The following RNF175 variants were observed in gnomAD, a reference collection of about 807,000 sequenced individuals.
The protein encoded by RNF175 is ring finger protein 175.
Under a neutral mutation model 50.0 loss-of-function variants are expected in RNF175, and 38 were observed. That is an observed-to-expected ratio of 0.76 (90% CI 0.59 to 1.00). The LOEUF (loss-of-function observed/expected upper bound fraction) is 1.00, where lower values mean the gene tolerates loss of function less well. Among genes scored for constraint, RNF175 ranks in the 50% least tolerant of loss-of-function variants. The pLI, the probability that RNF175 is intolerant of heterozygous loss-of-function variation, is 0.00. For missense variants in RNF175, 388 were observed against 409.6 expected (o/e 0.95, Z 0.46); for synonymous variants, 155 against 146.1 (o/e 1.06, Z -0.44).
chr4:153,732,753 T>C (rs1422874433), intron 3 of RNF175, among the ~76,000 whole-genome samples: 5 of 152,222 alleles, frequency 3.3e-5, no homozygotes, highest in Admixed American at 2.0e-4. Context: ...GAGGGTGATG[T>C]TGAATGAAAT....
intron 6 of RNF175, among the ~76,000 whole-genome samples, chr4:153,719,369 C>G (rs1411752895): frequency 6.6e-6 from 1 of 152,172 alleles, no homozygotes; most frequent in Non-Finnish European, 1.5e-5. Flanking sequence ...TGGGTTGTTT[C>G]CATGTCTTTG....
chr4:153,731,256 A>G (rs186160907), intron 3 of RNF175, among the ~76,000 whole-genome samples: 2 of 152,354 alleles, frequency 1.3e-5, no homozygotes, highest in South Asian at 2.1e-4. Flanking sequence ...TAACTGCCAT[A>G]TATGAAATGT....
chr4:153,720,216 T>C lies in RNF175; in HGVS notation c.598A>G (p.Ile200Val). ...YGVMGRDFAEICSDYMASTIG... is the reference protein window; with the variant it reads ...YGVMGRDFAEVCSDYMASTIG... ...GTGGAAGCCATGTAGTCTGAGCAGA[T>C]CTCGGCAAAGTCTCTCCCCATTACT... The change falls in exon 6 of 9, where the codon ATC becomes GTC. Residue 200 changes from isoleucine to valine, a missense_variant. By Grantham distance (29) the Ile-to-Val change is conservative (BLOSUM62 3). Transcript: ENST00000347063. 1 of 1,613,818 alleles carries C rather than the reference T, an allele frequency of 6.2e-7. No individual in the cohort carries two copies. The highest frequency in any genetic ancestry group is 1.3e-5 in the African/African-American group (1 of 75,022).
chr4:153,716,719 T>C (rs887406818), intron 6 of RNF175, among the ~76,000 whole-genome samples: 1 of 152,184 alleles, frequency 6.6e-6, no homozygotes, highest in African/African-American at 2.4e-5. Context: ...AGTCAGAAAT[T>C]TGCAGAGCAG....
intron 5 of RNF175, 125 bp from the exon 6 acceptor site, chr4:153,720,429 T>C (rs1337675799): frequency 1.5e-6 from 1 of 652,642 alleles, no homozygotes. Flanking sequence ...TTCATTTATG[T>C]GTTTGATTTT....
chr4:153,733,474 A>G (rs1739159072), intron 3 of RNF175, among the ~76,000 whole-genome samples: 1 of 152,214 alleles, frequency 6.6e-6, no homozygotes, highest in Non-Finnish European at 1.5e-5. Flanking sequence ...TCCTGTGTAC[A>G]TACACAGCAG....
chr4:153,734,707 G>C (rs1167610148), intron 3 of RNF175, among the ~76,000 whole-genome samples: 1 of 107,660 alleles, frequency 9.3e-6, no homozygotes, highest in African/African-American at 3.8e-5. Context: ...ATGTTGTCCC[G>C]CTCTGTCGCC....
chr4:153,742,745 G>A (rs922133786), intron 3 of RNF175, among the ~76,000 whole-genome samples: 2 of 151,558 alleles, frequency 1.3e-5, no homozygotes, highest in African/African-American at 2.4e-5. Context: ...GGTACCTGAG[G>A]TAATGTACAG....
At position 153,742,272 on chromosome 4, in the gene RNF175, C is replaced by CAAAA. The variant is rs34991607; in HGVS notation, c.246+6369_246+6372dup. ...TGGGTGACAGAGTGAGCTTCTGTTCCAAAAAAAAAAAAAAAAAAAAATTCA... is the reference window on the plus strand; with the variant it reads ...TGGGTGACAGAGTGAGCTTCTGTTCCAAAAAAAAAAAAAAAAAAAAAAAAATTCA... On this transcript the variant is annotated intron_variant, in intron 3 of 8. Transcript: ENST00000347063. 2.3e-3 allele frequency among the ~76,000 whole-genome samples: 242 copies of CAAAA among 103,738 alleles called. 3 individuals are homozygous for CAAAA. The highest frequency in any genetic ancestry group is 7.4e-3 in the East Asian group (25 of 3,374). 68.1% of individuals were successfully genotyped at this position (103,738 alleles called of 152,430 possible).
At chr4:153,735,492 T>C (rs1739307557) in intron 3 of RNF175, among the ~76,000 whole-genome samples, 1 of 152,206 alleles carries the variant, frequency 6.6e-6, no homozygotes, top group Non-Finnish European at 1.5e-5. Flanking sequence ...TTCAGTGTTG[T>C]GTTGTCTATT....
intron 3 of RNF175, among the ~76,000 whole-genome samples, chr4:153,730,478 G>A (rs1738976278): frequency 6.6e-6 from 1 of 151,728 alleles, no homozygotes. Flanking sequence ...TCAGCATATT[G>A]GTCATTTATT....
At chr4:153,728,402 G>C in intron 3 of RNF175, 41 bp from the exon 4 acceptor site, 1 of 1,568,874 alleles carries the variant, frequency 6.4e-7, no homozygotes. Flanking sequence ...CAATGACCAA[G>C]TGCCTGAATG....
At chr4:153,748,193 A>G (rs149376923) in intron 3 of RNF175, among the ~76,000 whole-genome samples, 118 of 152,332 alleles carry the variant, frequency 7.7e-4, no homozygotes, top group African/African-American at 2.8e-3. Flanking sequence ...CATTCAAACC[A>G]TAGCAGACAC....
At chr4:153,731,796 G>T (rs934016828) in intron 3 of RNF175, among the ~76,000 whole-genome samples, 1 of 152,276 alleles carries the variant, frequency 6.6e-6, no homozygotes, top group African/African-American at 2.4e-5. Flanking sequence ...AATCATTTGT[G>T]TGTGGAGGGT....
At chr4:153,711,023 T>C (rs533498657) in intron 8 of RNF175, among the ~76,000 whole-genome samples, 2 of 152,292 alleles carry the variant, frequency 1.3e-5, no homozygotes, top group South Asian at 2.1e-4. Flanking sequence ...TCACATGTAG[T>C]TTTTTCTTAT....
At chr4:153,710,542 T>G (rs570632005) in intron 8 of RNF175, 53 bp from the exon 9 acceptor site, 9 of 1,532,542 alleles carry the variant, frequency 5.9e-6, no homozygotes, top group Admixed American at 3.5e-5. Flanking sequence ...GCAGAAATAT[T>G]CATAAATGTC....
chr4:153,751,120 C>T (rs1057262671), intron 2 of RNF175, among the ~76,000 whole-genome samples: 1 of 152,220 alleles, frequency 6.6e-6, no homozygotes, highest in Non-Finnish European at 1.5e-5. Context: ...CTACAGTATG[C>T]ACCAGAACAC....
intron 2 of RNF175, among the ~76,000 whole-genome samples, chr4:153,750,385 C>G (rs967214827): frequency 1.3e-5 from 2 of 152,158 alleles, no homozygotes. Context: ...AGAAAAGGGT[C>G]TCATCCAAAT....
chr4:153,759,768 C>T, intron 1 of RNF175, 29 bp downstream of exon 1: 1 of 1,432,210 alleles, frequency 7.0e-7, no homozygotes, highest in Middle Eastern at 2.4e-4. Flanking sequence ...GGCCTGGCGT[C>T]CCCCACGCCC....
Sources: allele counts gnomAD v4.1 joint callset (sites outside exome capture counted in the v4.1 genomes callset), GRCh38; gene constraint gnomAD v4.1.1; transcripts MANE v1.5; gene names NCBI Gene and HGNC (gene_info 2026-07-23, HGNC 2026-07-21).